SLC8A1: variants seen among roughly 807,000 people sequenced by gnomAD.
SLC8A1 encodes the protein sodium/calcium exchanger 1.
SLC8A1 carries 18 observed loss-of-function variants against 68.3 expected under a neutral mutation model. The ratio of observed to expected loss-of-function variants is 0.26; its 90% CI spans 0.18 to 0.39. The LOEUF is 0.39. SLC8A1 is among the 10% of genes least tolerant of loss of function. The probability of loss-of-function intolerance (pLI) is 1.00; values close to 1 mark genes in which losing one functional copy is unlikely to be tolerated. For missense variants in SLC8A1, 985 were observed against 1,156.7 expected (o/e 0.85, Z 2.15); for synonymous variants, 475 against 415.5 (o/e 1.14, Z -1.74).
chr2:40,144,980 C>T (rs190620721), intron 6 of SLC8A1, among the ~76,000 whole-genome samples: 21 of 152,226 alleles, frequency 1.4e-4, no homozygotes, highest in Non-Finnish European at 2.4e-4. Flanking sequence ...ATTTCATTAG[C>T]TTTAGTCCCC....
intron 6 of SLC8A1, among the ~76,000 whole-genome samples, chr2:40,159,209 T>C (rs142050168): frequency 6.6e-6 from 1 of 152,356 alleles, no homozygotes; most frequent in African/African-American, 2.4e-5. Context: ...CTTATCATCA[T>C]AAATATACTT....
At chr2:40,223,803 T>A (rs1408961404) in intron 2 of SLC8A1, 2 of 152,030 alleles carry the variant, frequency 1.3e-5, no homozygotes, top group East Asian at 1.9e-4. Flanking sequence ...ATTAAGTAAC[T>A]ATTTTTTTTT....
At chr2:40,272,121 A>G (rs889644762) in intron 2 of SLC8A1, among the ~76,000 whole-genome samples, 3 of 152,130 alleles carry the variant, frequency 2.0e-5, no homozygotes, top group African/African-American at 7.2e-5. Flanking sequence ...CTCCCACCTC[A>G]GCCTCCCAAA....
At chr2:40,231,760 A>G (rs904048388) in intron 2 of SLC8A1, among the ~76,000 whole-genome samples, 16 of 152,140 alleles carry the variant, frequency 1.1e-4, no homozygotes, top group Non-Finnish European at 2.4e-4. Context: ...ATCAAGAACT[A>G]GCAACACCCA....
exon 8 of SLC8A1, chr2:40,097,628 T>C (rs149544618): frequency 1.3e-5 from 2 of 152,124 alleles, no homozygotes; most frequent in African/African-American, 4.8e-5. Flanking sequence ...CTTCCAGTTT[T>C]TGGTAGTTAG....
Position 40,311,222 on chromosome 2 carries a change from A to G in SLC8A1, c.1808+117251T>C, listed in dbSNP as rs1029087429. On this transcript the variant is annotated intron_variant, in intron 2 of 7. Transcript: ENST00000406785. ...TGCACATAAATATCACGTGATGACC[A>G]CTAAAAAACACTTGGTGTTCAACAG... 2.0e-5 allele frequency among the ~76,000 whole-genome samples: 3 copies of G among 152,254 alleles called. No individual in the cohort carries two copies. In the South Asian group the frequency reaches 6.2e-4, roughly 32 times the overall value.
At chr2:40,384,394 C>T (rs1682906362) in intron 2 of SLC8A1, among the ~76,000 whole-genome samples, 1 of 151,974 alleles carries the variant, frequency 6.6e-6, no homozygotes, top group Admixed American at 6.6e-5. Flanking sequence ...TTGATGAAAA[C>T]ACAATGAGAC....
At chr2:40,407,503 T>C (rs1690742859) in intron 2 of SLC8A1, among the ~76,000 whole-genome samples, 1 of 152,210 alleles carries the variant, frequency 6.6e-6, no homozygotes, top group South Asian at 2.1e-4. Flanking sequence ...GCCTTTTGCC[T>C]GTGTCCATTT....
intron 2 of SLC8A1, among the ~76,000 whole-genome samples, chr2:40,219,965 CAAAT>C (rs1216199144): frequency 3.4e-5 from 5 of 148,762 alleles, no homozygotes; most frequent in African/African-American, 1.3e-4. Flanking sequence ...AAAATTGTGC[CAAAT>C]AAATAAGATT....
chr2:40,280,630 C>T (rs1417130617), intron 2 of SLC8A1, among the ~76,000 whole-genome samples: 1 of 152,026 alleles, frequency 6.6e-6, no homozygotes, highest in Non-Finnish European at 1.5e-5. Flanking sequence ...AGATTGAATC[C>T]CTGCCTTCTG....
At chr2:40,445,637 G>C (rs1195454321) in intron 1 of SLC8A1, among the ~76,000 whole-genome samples, 1 of 152,134 alleles carries the variant, frequency 6.6e-6, no homozygotes, top group Non-Finnish European at 1.5e-5. Context: ...TGCTAGCCAT[G>C]GTATGAAGCA....
chr2:40,385,067 T>C (rs1281926924), intron 2 of SLC8A1, among the ~76,000 whole-genome samples: 1 of 152,130 alleles, frequency 6.6e-6, no homozygotes, highest in Non-Finnish European at 1.5e-5. Context: ...CATGCCACTA[T>C]TCAATTCCTA....
chr2:40,448,278 AG>A (rs1701816664), intron 1 of SLC8A1, among the ~76,000 whole-genome samples: 1 of 152,166 alleles, frequency 6.6e-6, no homozygotes, highest in African/African-American at 2.4e-5. Flanking sequence ...TGGGGAGGCC[AG>A]GGAGAGAAAG....
intron 2 of SLC8A1, among the ~76,000 whole-genome samples, chr2:40,212,209 T>C (rs114360137): frequency 0.017 from 2,614 of 151,798 alleles, 79 homozygotes; most frequent in African/African-American, 0.059. Context: ...GGGAAGACTT[T>C]TAAGTCATAG....
At chr2:40,156,842 C>T (rs570171895) in intron 6 of SLC8A1, among the ~76,000 whole-genome samples, 21 of 152,128 alleles carry the variant, frequency 1.4e-4, no homozygotes, top group South Asian at 4.2e-4. Flanking sequence ...TGTCTGTGTT[C>T]GCACAATGCA....
intron 2 of SLC8A1, among the ~76,000 whole-genome samples, chr2:40,311,612 A>G (rs1225398941): frequency 6.6e-6 from 1 of 152,110 alleles, no homozygotes; most frequent in African/African-American, 2.4e-5. Flanking sequence ...TACAAAGAAT[A>G]TATCTGGAAG....
intron 1 of SLC8A1, among the ~76,000 whole-genome samples, chr2:40,488,079 A>C (rs577866778): frequency 6.6e-6 from 1 of 152,190 alleles, no homozygotes; most frequent in African/African-American, 2.4e-5. Context: ...TCTGAGTAAA[A>C]GTTTACCCTT....
At chr2:40,193,485 G>C (rs2052295037) in intron 2 of SLC8A1, among the ~76,000 whole-genome samples, 1 of 152,060 alleles carries the variant, frequency 6.6e-6, no homozygotes, top group African/African-American at 2.4e-5. Context: ...ACAGTGGGTG[G>C]GGAAATAAAC....
intron 2 of SLC8A1, among the ~76,000 whole-genome samples, chr2:40,274,644 G>C (rs2066476194): frequency 6.6e-6 from 1 of 152,154 alleles, no homozygotes; most frequent in African/African-American, 2.4e-5. Context: ...CAGAAATGAG[G>C]ATTGTTGTTA....
Sources: allele counts gnomAD v4.1 joint callset (sites outside exome capture counted in the v4.1 genomes callset), GRCh38; gene constraint gnomAD v4.1.1; transcripts MANE v1.5; gene names NCBI Gene and HGNC (gene_info 2026-07-23, HGNC 2026-07-21).